The following GRB14 variants were observed in gnomAD, a reference collection of about 807,000 sequenced individuals.
The protein encoded by GRB14 is growth factor receptor bound protein 14.
Under a neutral mutation model 69.1 loss-of-function variants are expected in GRB14, and 38 were observed. The observed-to-expected ratio is 0.55, with a 90% CI of 0.42 to 0.72. The LOEUF (loss-of-function observed/expected upper bound fraction) is 0.72, where lower values mean the gene tolerates loss of function less well. Among genes scored for constraint, GRB14 ranks in the 30% least tolerant of loss-of-function variants. GRB14 has a pLI of 0.00. For synonymous variants in GRB14, 247 were observed against 241.3 expected, an observed-to-expected ratio of 1.02 and a Z score of -0.22; for missense variants, 666 against 666.1, an observed-to-expected ratio of 1.00 and a Z score of 0.00.
intron 5 of GRB14, among the ~76,000 whole-genome samples, chr2:164,523,987 T>G (rs1473447286): frequency 6.6e-6 from 1 of 152,016 alleles, no homozygotes; most frequent in African/African-American, 2.4e-5. Flanking sequence ...TACCTAACAT[T>G]TTGACAGGGT....
At chr2:164,515,964 G>T (rs968127797) in intron 6 of GRB14, among the ~76,000 whole-genome samples, 2 of 151,590 alleles carry the variant, frequency 1.3e-5, no homozygotes, top group Admixed American at 1.3e-4. Context: ...ACAAGTAGAA[G>T]AAAGGACTTC....
intron 2 of GRB14, among the ~76,000 whole-genome samples, chr2:164,558,650 C>A (rs1472696158): frequency 1.3e-5 from 2 of 152,168 alleles, no homozygotes; most frequent in East Asian, 1.9e-4. Flanking sequence ...ATATTTAAAG[C>A]AGAATACCAC....
chr2:164,574,046 G>A, intron 2 of GRB14: 8 of 1,213,844 alleles, frequency 6.6e-6, no homozygotes, highest in Non-Finnish European at 9.7e-6. Context: ...CAATAAATAT[G>A]TAGCCTAGAT....
intron 5 of GRB14, among the ~76,000 whole-genome samples, chr2:164,523,746 T>C (rs930985678): frequency 1.3e-5 from 2 of 152,122 alleles, no homozygotes; most frequent in African/African-American, 2.4e-5. Context: ...GGGGAAACAT[T>C]GCCTCAGTGG....
At chr2:164,545,107 A>G (rs1020480227) in intron 3 of GRB14, among the ~76,000 whole-genome samples, 1 of 152,198 alleles carries the variant, frequency 6.6e-6, no homozygotes, top group Non-Finnish European at 1.5e-5. Context: ...AAAGTAAATG[A>G]CTCTAATGAC....
intron 6 of GRB14, among the ~76,000 whole-genome samples, chr2:164,521,079 A>T (rs1164269430): frequency 6.6e-6 from 1 of 152,162 alleles, no homozygotes; most frequent in African/African-American, 2.4e-5. Context: ...AGCGCAATTC[A>T]CAATTGCAAA....
At chr2:164,526,103 T>C (rs1046288447) in intron 4 of GRB14, among the ~76,000 whole-genome samples, 4 of 152,170 alleles carry the variant, frequency 2.6e-5, no homozygotes, top group African/African-American at 7.2e-5. Flanking sequence ...CAGTTGAATT[T>C]ATTTAATTTT....
At chr2:164,615,442 T>C (rs895929760) in intron 2 of GRB14, among the ~76,000 whole-genome samples, 1 of 152,192 alleles carries the variant, frequency 6.6e-6, no homozygotes, top group African/African-American at 2.4e-5. Flanking sequence ...CTGTTCTTCT[T>C]GTGTTATGAG....
chr2:164,501,310 G>C (rs1012409301), intron 9 of GRB14, among the ~76,000 whole-genome samples: 1 of 151,888 alleles, frequency 6.6e-6, no homozygotes, highest in Non-Finnish European at 1.5e-5. Context: ...TTCATTCCTA[G>C]AACTGAGCAT....
intron 2 of GRB14, among the ~76,000 whole-genome samples, chr2:164,560,144 C>T (rs1258938016): frequency 1.3e-5 from 2 of 152,164 alleles, no homozygotes; most frequent in Non-Finnish European, 2.9e-5. Context: ...CCACCTGATG[C>T]TGTATTCTTA....
chr2:164,557,772 G>A (rs1325498902), intron 2 of GRB14, among the ~76,000 whole-genome samples: 1 of 152,132 alleles, frequency 6.6e-6, no homozygotes, highest in African/African-American at 2.4e-5. Flanking sequence ...CCCAGCCCTG[G>A]TATAGATTTG....
At chr2:164,594,508 C>G (rs892350769) in intron 2 of GRB14, among the ~76,000 whole-genome samples, 1 of 152,126 alleles carries the variant, frequency 6.6e-6, no homozygotes, top group African/African-American at 2.4e-5. Context: ...CCTCTTCCTC[C>G]AGGATGCTTT....
intron 6 of GRB14, among the ~76,000 whole-genome samples, chr2:164,509,750 G>T (rs1227513395): frequency 8.3e-6 from 1 of 120,100 alleles, no homozygotes; most frequent in East Asian, 2.5e-4. Context: ...ATTTTAACAA[G>T]ATCCCAGGTG....
intron 2 of GRB14, among the ~76,000 whole-genome samples, chr2:164,564,661 T>C (rs1157535901): frequency 6.6e-6 from 1 of 152,192 alleles, no homozygotes; most frequent in South Asian, 2.1e-4. Flanking sequence ...TGTGTGCTTA[T>C]GAACATCTCC....
intron 2 of GRB14, among the ~76,000 whole-genome samples, chr2:164,599,927 C>G (rs569673046): frequency 6.6e-6 from 1 of 152,038 alleles, no homozygotes; most frequent in Non-Finnish European, 1.5e-5. Flanking sequence ...TAATGTAATG[C>G]GAAAACACGA....
chr2:164,621,383 C>G lies in GRB14; in HGVS notation c.-74G>C. On this transcript the variant is annotated 5_prime_UTR_variant, in exon 1 of 14. Coordinates refer to ENST00000263915, the MANE Select transcript of GRB14 (RefSeq NM_004490.3). This position sits in a 1 kb window ranked among gnomAD's most constrained non-coding sequence, Gnocchi z 6.0. ...GAGAAGGGGTTTGCGCGGCGGGAGG[C>G]GAGGTGCCGGCTAGGCAGCCCGAGC... 8.4e-7 allele frequency: 1 copy of G among 1,185,004 alleles called. No individual in the cohort carries two copies. Among genetic ancestry groups the G allele is most frequent in the Non-Finnish European group, 1.1e-6 (1 of 942,622 alleles). 73.4% of individuals were successfully genotyped at this position (1,185,004 alleles called of 1,614,324 possible). A position where few individuals can be genotyped will look rare whatever the true frequency, so the allele number is the denominator to read the frequency against.
intron 2 of GRB14, among the ~76,000 whole-genome samples, chr2:164,556,967 G>C (rs1380896400): frequency 6.6e-6 from 1 of 152,092 alleles, no homozygotes; most frequent in African/African-American, 2.4e-5. Context: ...GACACCTCAC[G>C]GAGTTTGAAA....
intron 3 of GRB14, among the ~76,000 whole-genome samples, chr2:164,534,243 A>G (rs1356208957): frequency 6.6e-6 from 1 of 152,214 alleles, no homozygotes; most frequent in Non-Finnish European, 1.5e-5. Flanking sequence ...ACTGATTTTT[A>G]GAAATTATAT....
At chr2:164,559,390 G>A (rs923550948) in intron 2 of GRB14, among the ~76,000 whole-genome samples, 1 of 152,064 alleles carries the variant, frequency 6.6e-6, no homozygotes, top group East Asian at 1.9e-4. Context: ...TGGTGCACCC[G>A]TCACCTGAGC....
Sources: allele counts gnomAD v4.1 joint callset (sites outside exome capture counted in the v4.1 genomes callset), GRCh38; gene constraint gnomAD v4.1.1; non-coding constraint Gnocchi (gnomAD v3.1); transcripts MANE v1.5; gene names NCBI Gene and HGNC (gene_info 2026-07-23, HGNC 2026-07-21).